Variants in STOX2 observed in about 807,000 individuals in gnomAD.
The protein encoded by STOX2 is storkhead box 2, also known as storkhead-box protein 2.
A neutral mutation model predicts 60.9 loss-of-function variants in STOX2; 28 were observed. The observed-to-expected ratio is 0.46, with a 90% CI of 0.34 to 0.63. STOX2 has a LOEUF of 0.63. Ranked by LOEUF, STOX2 falls within the 30% of genes least tolerant of loss-of-function variation. The probability of loss-of-function intolerance (pLI) is 0.01; values close to 1 mark genes in which losing one functional copy is unlikely to be tolerated. For missense variants in STOX2, 1,024 were observed against 1,187.7 expected (o/e 0.86, Z 2.03); for synonymous variants, 472 against 463.9 (o/e 1.02, Z -0.22).
chr4:183,904,582 T>C (rs1741537464), upstream of STOX2, among the ~76,000 whole-genome samples: 1 of 152,234 alleles, frequency 6.6e-6, no homozygotes, highest in African/African-American at 2.4e-5. Flanking sequence ...TTGACAGTAA[T>C]ACATTTTGAT....
At chr4:183,835,879 C>T (rs1211126201) in intron 1 of STOX2, among the ~76,000 whole-genome samples, 2 of 152,262 alleles carry the variant, frequency 1.3e-5, no homozygotes, top group South Asian at 4.1e-4. Context: ...TGGGTATACA[C>T]CTAGGAGTGG....
intron 1 of STOX2, among the ~76,000 whole-genome samples, chr4:183,841,406 A>G (rs1039760021): frequency 1.3e-5 from 2 of 149,704 alleles, no homozygotes; most frequent in African/African-American, 5.0e-5. Context: ...AGAGACAGGA[A>G]CTTGCACTGT....
chr4:183,802,168 C>T (rs148715759), intron 1 of STOX2, among the ~76,000 whole-genome samples: 32 of 152,340 alleles, frequency 2.1e-4, no homozygotes, highest in African/African-American at 7.7e-4. Flanking sequence ...TGGCACTTTA[C>T]ACTTTCCCAT....
intron 1 of STOX2, among the ~76,000 whole-genome samples, chr4:183,974,553 G>T (rs1230505443): frequency 2.6e-5 from 4 of 152,024 alleles, no homozygotes; most frequent in South Asian, 2.1e-4. Context: ...GGAAGCTGGA[G>T]GGGCCATATT....
chr4:183,831,154 AT>A (rs765013717), intron 1 of STOX2, among the ~76,000 whole-genome samples: 2 of 151,858 alleles, frequency 1.3e-5, no homozygotes, highest in Non-Finnish European at 2.9e-5. Context: ...GGGATGGAAG[AT>A]TTCAGTGAGA....
intron 1 of STOX2, among the ~76,000 whole-genome samples, chr4:183,817,118 T>G (rs984767128): frequency 6.6e-6 from 1 of 152,196 alleles, no homozygotes; most frequent in Non-Finnish European, 1.5e-5. Context: ...TGCAGGTAGG[T>G]GGCCACCACT....
At chr4:183,978,554 CAAAG>C (rs1262923110) in intron 1 of STOX2, among the ~76,000 whole-genome samples, 1 of 152,154 alleles carries the variant, frequency 6.6e-6, no homozygotes, top group African/African-American at 2.4e-5. Flanking sequence ...CAGAAACTAA[CAAAG>C]AGTCTGAATA....
At chr4:183,820,322 C>T (rs958037515) in intron 1 of STOX2, among the ~76,000 whole-genome samples, 1 of 152,196 alleles carries the variant, frequency 6.6e-6, no homozygotes, top group African/African-American at 2.4e-5. Context: ...CTTGCCCCTA[C>T]TATTAGGGTC....
chr4:183,861,638 C>T (rs1202943581), intron 1 of STOX2, among the ~76,000 whole-genome samples: 1 of 152,088 alleles, frequency 6.6e-6, no homozygotes, highest in East Asian at 1.9e-4. Context: ...GGCGCCGCAG[C>T]TTCTTCATCT....
intron 1 of STOX2, among the ~76,000 whole-genome samples, chr4:183,846,400 G>A (rs551301695): frequency 1.1e-4 from 16 of 152,118 alleles, no homozygotes; most frequent in East Asian, 1.9e-4. Flanking sequence ...GGAACATCAC[G>A]TTGGTGTGCT....
intron 1 of STOX2, among the ~76,000 whole-genome samples, chr4:183,857,362 CATCCCGCAGGACTGGTT>C (rs111473860): frequency 2.2e-5 from 1 of 45,406 alleles, no homozygotes; most frequent in Non-Finnish European, 5.4e-5. Flanking sequence ...TAGGACTGGT[CATCCCGCAGGACTGGTT>C]ATCCCGCAGG....
chr4:183,861,403 TC>T (rs1167028036), intron 1 of STOX2, among the ~76,000 whole-genome samples: 1 of 152,206 alleles, frequency 6.6e-6, no homozygotes, highest in African/African-American at 2.4e-5. Flanking sequence ...ACTGTAATGT[TC>T]ATAGATACCC....
intron 1 of STOX2, among the ~76,000 whole-genome samples, chr4:183,995,817 G>A (rs1733315536): frequency 6.6e-6 from 1 of 152,196 alleles, no homozygotes; most frequent in Non-Finnish European, 1.5e-5. Context: ...TGCCCCAGGG[G>A]AGCCTGAACC....
At chr4:184,004,383 A>T (rs893820673) in intron 2 of STOX2, among the ~76,000 whole-genome samples, 5 of 152,036 alleles carry the variant, frequency 3.3e-5, no homozygotes, top group African/African-American at 1.2e-4. Context: ...GCGGATCACG[A>T]CGTCAAGAGA....
In STOX2 at chr4:183,931,242, G is replaced by A. The variant is rs1579432068; in HGVS notation, c.166+24286G>A. On this transcript the variant is annotated intron_variant, in intron 1 of 3. Transcript: ENST00000308497. ...AGTTCAAGACCAGGATGGCCAACAT[G>A]GTGAAACCCCGTCTTTACTAAAAAT... Among the ~76,000 whole-genome samples, 3 of 152,128 alleles carry A rather than the reference G, an allele frequency of 2.0e-5. No homozygotes were observed. In the East Asian group the frequency reaches 5.8e-4, roughly 29 times the overall value.
intron 3 of STOX2, 101 bp from the exon 4 acceptor site, chr4:184,016,988 G>A: frequency 3.1e-6 from 3 of 976,560 alleles, no homozygotes; most frequent in Non-Finnish European, 4.5e-6. Flanking sequence ...TGAACCAACA[G>A]AGGAAATCCA....
intron 1 of STOX2, among the ~76,000 whole-genome samples, chr4:183,939,808 T>C (rs763457548): frequency 6.6e-6 from 1 of 152,176 alleles, no homozygotes; most frequent in Non-Finnish European, 1.5e-5. Context: ...ATCTGCAAGA[T>C]GACATAATGG....
In STOX2 at chr4:184,010,517, T is replaced by C; in HGVS notation, c.1679T>C (p.Val560Ala). The change falls in exon 3 of 4, where the codon GTC becomes GCC. Residue 560 changes from valine (V) to alanine (A), a missense_variant. Physicochemically the swap from Val to Ala is moderately conservative, Grantham distance 64 (BLOSUM62 0). Around this residue, in one of 3 missense-constraint regions of STOX2, gnomAD observed 922 missense variants for 1,058.3 expected, o/e 0.87. Transcript: ENST00000308497. The surrounding 1 kb of genome is among the most constrained non-coding windows in gnomAD (Gnocchi z 4.5). ...SYKEVCIPEI[V>A]SGSKEPSSAC... Reference sequence around the variant, plus strand: ...AAAGAGGTGTGTATTCCAGAGATAGTCAGTGGCAGCAAGGAACCGTCCAGC... The same window carrying C: ...AAAGAGGTGTGTATTCCAGAGATAGCCAGTGGCAGCAAGGAACCGTCCAGC... The C allele has an allele frequency of 6.2e-7, 1 of 1,613,844 alleles. No homozygotes were observed.
At chr4:184,015,358 A>G (rs990865698) in intron 3 of STOX2, 4 of 152,178 alleles carry the variant, frequency 2.6e-5, no homozygotes, top group African/African-American at 9.7e-5. Context: ...GGCAAGTCTC[A>G]CACTTTCCCT....
Sources: gnomAD v4.1 joint callset for allele counts (sites outside exome capture counted in the v4.1 genomes callset) on GRCh38, gnomAD v4.1.1 for gene constraint, gnomAD v4.1.1 regional missense constraint, Gnocchi (gnomAD v3.1) non-coding constraint, MANE v1.5 for transcripts, NCBI Gene and HGNC (gene_info 2026-07-23, HGNC 2026-07-21) for gene names.